GMDS: variants seen among roughly 807,000 people sequenced by gnomAD.
The protein encoded by GMDS is GDP-mannose 4,6-dehydratase.
A neutral mutation model predicts 49.9 loss-of-function variants in GMDS; 20 were observed. That is an observed-to-expected ratio of 0.40 (90% confidence interval 0.28 to 0.58). The LOEUF is 0.58. Among genes scored for constraint, GMDS ranks in the 20% least tolerant of loss-of-function variants. The probability of loss-of-function intolerance (pLI) is 0.42; values close to 1 mark genes in which losing one functional copy is unlikely to be tolerated. For missense variants in GMDS, 362 were observed against 481.4 expected, an observed-to-expected ratio of 0.75 and a Z score of 2.32; for synonymous variants, 177 against 178.6, an observed-to-expected ratio of 0.99 and a Z score of 0.07.
At chr6:1,792,828 G>C (rs1769595807) in intron 7 of GMDS, among the ~76,000 whole-genome samples, 1 of 152,098 alleles carries the variant, frequency 6.6e-6, no homozygotes, top group Non-Finnish European at 1.5e-5. Context: ...GAAGTTTTAT[G>C]ATCTTCTTTT....
At chr6:1,761,904 C>T (rs193202823) in intron 7 of GMDS, among the ~76,000 whole-genome samples, 40 of 150,032 alleles carry the variant, frequency 2.7e-4, no homozygotes, top group Middle Eastern at 3.4e-3. Context: ...ACACTGGAGA[C>T]GAAAAAAAAA....
intron 4 of GMDS, among the ~76,000 whole-genome samples, chr6:2,030,943 C>G (rs1177110777): frequency 6.6e-6 from 1 of 152,118 alleles, no homozygotes; most frequent in Non-Finnish European, 1.5e-5. Flanking sequence ...CTTTTATAAA[C>G]AAAATAAATT....
At chr6:1,944,063 T>A (rs573597483) in intron 6 of GMDS, among the ~76,000 whole-genome samples, 2 of 152,240 alleles carry the variant, frequency 1.3e-5, no homozygotes, top group Non-Finnish European at 2.9e-5. Context: ...TACTTCAGAA[T>A]TGATAGAGCT....
In GMDS at chr6:1,954,465, G is replaced by A. The variant is rs549355064; in HGVS notation, c.643+5402C>T. ...ATTTCTCTGTAGCATCCAGTGCTGTGTAACAGCATTTACCCGCAGTAGAAT... is the reference window on the plus strand; with the variant it reads ...ATTTCTCTGTAGCATCCAGTGCTGTATAACAGCATTTACCCGCAGTAGAAT... On this transcript the variant is annotated intron_variant, in intron 6 of 10. Coordinates refer to ENST00000380815, the MANE Select transcript of GMDS (RefSeq NM_001500.4). 2.0e-5 allele frequency among the ~76,000 whole-genome samples: 3 copies of A among 152,250 alleles called. No individual in the cohort carries two copies. The East Asian group carries it at 5.8e-4, about 29-fold the overall frequency.
At chr6:1,960,095 C>G (rs1209598698) in intron 5 of GMDS, 124 bp from the exon 6 acceptor site, 2 of 535,092 alleles carry the variant, frequency 3.7e-6, no homozygotes, top group Admixed American at 7.2e-5. Flanking sequence ...AAAAAAGTAT[C>G]AAAACCCAAA....
chr6:2,091,825 C>A (rs1350143281), intron 4 of GMDS, among the ~76,000 whole-genome samples: 1 of 151,676 alleles, frequency 6.6e-6, no homozygotes, highest in Admixed American at 6.6e-5. Context: ...ATCCTTTGAG[C>A]CTGAGAAGCT....
chr6:1,886,340 T>C (rs1759605118), intron 7 of GMDS, among the ~76,000 whole-genome samples: 1 of 152,222 alleles, frequency 6.6e-6, no homozygotes, highest in Non-Finnish European at 1.5e-5. Context: ...ACACAAATTT[T>C]ATTCTGTGAT....
intron 1 of GMDS, among the ~76,000 whole-genome samples, chr6:2,213,208 T>C (rs1780153967): frequency 6.6e-6 from 1 of 152,210 alleles, no homozygotes; most frequent in African/African-American, 2.4e-5. Context: ...CTTTTTAGAC[T>C]GTCCTGACTC....
chr6:1,954,565 C>A (rs918299120), intron 6 of GMDS, among the ~76,000 whole-genome samples: 5 of 152,214 alleles, frequency 3.3e-5, no homozygotes, highest in Admixed American at 1.3e-4. Context: ...TATTATAAAC[C>A]CTTCTTTTGT....
intron 4 of GMDS, among the ~76,000 whole-genome samples, chr6:2,024,815 C>A (rs1768484719): frequency 6.6e-6 from 1 of 151,654 alleles, no homozygotes; most frequent in South Asian, 2.1e-4. Context: ...GGAAAGACAA[C>A]TCCTAAGTTA....
chr6:1,970,687 T>C (rs769939004), intron 4 of GMDS, among the ~76,000 whole-genome samples: 3 of 151,734 alleles, frequency 2.0e-5, no homozygotes, highest in Non-Finnish European at 2.9e-5. Context: ...CATCCTGAGA[T>C]GGTTACAAAG....
chr6:1,892,204 A>G (rs565340047), intron 7 of GMDS, among the ~76,000 whole-genome samples: 5 of 152,094 alleles, frequency 3.3e-5, no homozygotes, highest in Non-Finnish European at 5.9e-5. Context: ...ATATATATCC[A>G]AAGAGAAAGC....
At chr6:1,832,374 C>T (rs9501776) in intron 7 of GMDS, among the ~76,000 whole-genome samples, 12,596 of 151,672 alleles carry the variant, frequency 0.083, 676 homozygotes, top group East Asian at 0.2. Context: ...GCCTGGGGGA[C>T]GGAGTGAGAC....
At chr6:1,721,315 T>C (rs575596080) in intron 9 of GMDS, among the ~76,000 whole-genome samples, 1 of 152,328 alleles carries the variant, frequency 6.6e-6, no homozygotes, top group East Asian at 1.9e-4. Flanking sequence ...GCTTTCTTAG[T>C]TCTAGGTTTT....
chr6:2,039,002 G>A (rs1769480830), intron 4 of GMDS, among the ~76,000 whole-genome samples: 1 of 152,098 alleles, frequency 6.6e-6, no homozygotes, highest in Non-Finnish European at 1.5e-5. Flanking sequence ...CAATTTCATC[G>A]TGCAAACATC....
At chr6:2,056,700 C>A (rs1770798331) in intron 4 of GMDS, among the ~76,000 whole-genome samples, 1 of 152,126 alleles carries the variant, frequency 6.6e-6, no homozygotes, top group African/African-American at 2.4e-5. Context: ...TTTAATGCTC[C>A]AAAAGTCACT....
chr6:1,920,915 C>T (rs1320627353), intron 7 of GMDS, among the ~76,000 whole-genome samples: 1 of 152,092 alleles, frequency 6.6e-6, no homozygotes, highest in African/African-American at 2.4e-5. Flanking sequence ...CACTATTTTC[C>T]TAGGAGTTTT....
At chr6:1,634,142 A>G (rs1309908751) in intron 9 of GMDS, among the ~76,000 whole-genome samples, 1 of 152,198 alleles carries the variant, frequency 6.6e-6, no homozygotes, top group Non-Finnish European at 1.5e-5. Flanking sequence ...CTAACCTAAA[A>G]GCACCTGGCG....
chr6:2,044,535 G>T (rs1369331337), intron 4 of GMDS, among the ~76,000 whole-genome samples: 1 of 152,114 alleles, frequency 6.6e-6, no homozygotes, highest in Non-Finnish European at 1.5e-5. Flanking sequence ...ACATACAGAG[G>T]AAAACAACAG....
Sources: allele counts gnomAD v4.1 joint callset (sites outside exome capture counted in the v4.1 genomes callset), GRCh38; gene constraint gnomAD v4.1.1; transcripts MANE v1.5; gene names NCBI Gene and HGNC (gene_info 2026-07-23, HGNC 2026-07-21).